Variants in DGLUCY observed in about 807,000 individuals in gnomAD.
DGLUCY encodes the protein D-glutamate cyclase.
Under a neutral mutation model 58.5 loss-of-function variants are expected in DGLUCY, and 58 were observed. That is an observed-to-expected ratio of 0.99 (90% CI 0.80 to 1.23). The LOEUF (loss-of-function observed/expected upper bound fraction) is 1.23, where lower values mean the gene tolerates loss of function less well. Ranked by LOEUF, DGLUCY falls within the 50% of genes most tolerant of loss-of-function variation. The pLI, the probability that DGLUCY is intolerant of heterozygous loss-of-function variation, is 0.00. For missense variants in DGLUCY, 779 were observed against 784.7 expected, an observed-to-expected ratio of 0.99 and a Z score of 0.09; for synonymous variants, 325 against 314.1, an observed-to-expected ratio of 1.03 and a Z score of -0.37.
At chr14:91,201,759 TATA>T in intron 11 of DGLUCY, among the ~76,000 whole-genome samples, 1 of 152,106 alleles carries the variant, frequency 6.6e-6, no homozygotes, top group South Asian at 2.1e-4. Context: ...TCGTTAATAA[TATA>T]ATAATATGGT....
chr14:91,224,391 T>C (rs544011894), intron 13 of DGLUCY, among the ~76,000 whole-genome samples: 6 of 152,222 alleles, frequency 3.9e-5, no homozygotes, highest in African/African-American at 1.4e-4. Context: ...TAAGAAACTA[T>C]GTTTCCATTA....
At chr14:91,172,477 A>G (rs1047618534) in intron 5 of DGLUCY, among the ~76,000 whole-genome samples, 1 of 152,194 alleles carries the variant, frequency 6.6e-6, no homozygotes, top group Non-Finnish European at 1.5e-5. Context: ...CTGTGACTTC[A>G]TGGCTGGCAA....
intron 12 of DGLUCY, among the ~76,000 whole-genome samples, chr14:91,206,855 TATA>T (rs1182103719): frequency 6.6e-6 from 1 of 152,054 alleles, no homozygotes; most frequent in Non-Finnish European, 1.5e-5. Context: ...GTATGATTAA[TATA>T]ATAAAGTCTT....
At chr14:91,086,153 C>T (rs1204757097) in intron 1 of DGLUCY, among the ~76,000 whole-genome samples, 1 of 152,186 alleles carries the variant, frequency 6.6e-6, no homozygotes, top group Non-Finnish European at 1.5e-5. Flanking sequence ...CACTTTCTCC[C>T]ATCACCCCCA....
intron 3 of DGLUCY, among the ~76,000 whole-genome samples, chr14:91,165,570 C>T (rs2048231268): frequency 6.6e-6 from 1 of 152,178 alleles, no homozygotes; most frequent in Non-Finnish European, 1.5e-5. Flanking sequence ...TGAGCCAGCT[C>T]AGGCAAGAAT....
chr14:91,192,523 G>A (rs1042048380), intron 9 of DGLUCY, among the ~76,000 whole-genome samples: 5 of 152,080 alleles, frequency 3.3e-5, no homozygotes, highest in East Asian at 3.9e-4. Context: ...TAATCCCAGC[G>A]CTTTGGGAGA....
chr14:91,144,443 C>T (rs1039620598), intron 1 of DGLUCY, among the ~76,000 whole-genome samples: 1 of 152,054 alleles, frequency 6.6e-6, no homozygotes, highest in African/African-American at 2.4e-5. Flanking sequence ...GCCTGTAGTC[C>T]CAGCTACTAA....
chr14:91,137,522 A>G (rs1595730074), intron 1 of DGLUCY, among the ~76,000 whole-genome samples: 1 of 150,432 alleles, frequency 6.6e-6, no homozygotes, highest in South Asian at 2.1e-4. Context: ...AGTGGCTGGG[A>G]CTACAGGCGT....
At chr14:91,109,958 T>TGTTGAA (rs1222258546), upstream of DGLUCY, among the ~76,000 whole-genome samples, 16 of 152,266 alleles carry the variant, frequency 1.1e-4, no homozygotes, top group Non-Finnish European at 2.2e-4. Context: ...GTTGGCTCAC[T>TGTTGAA]GAATCCCTTC....
chr14:91,204,788 C>T lies in DGLUCY; in HGVS notation c.1527C>T (p.Ile509=), dbSNP rs147127627. The change falls in exon 12 of 14, where the codon ATC becomes ATT. Residue 509 remains isoleucine (I), a synonymous_variant. Coordinates refer to ENST00000256324, the MANE Select transcript of DGLUCY (RefSeq NM_001102368.3). ...VRRHIRHGDV[I]ACDVEADFAV... ...GGCACATACGGCACGGGGATGTCAT[C>T]GCCTGCGACGTGGAGGCTGACTTTG... 2.8e-4 allele frequency: 444 copies of T among 1,613,956 alleles called. 1 individual carries two copies. Among genetic ancestry groups the T allele is most frequent in the Middle Eastern group, 9.9e-4 (6 of 6,084 alleles).
intron 12 of DGLUCY, among the ~76,000 whole-genome samples, chr14:91,207,246 G>C (rs979040159): frequency 6.7e-6 from 1 of 148,612 alleles, no homozygotes; most frequent in Non-Finnish European, 1.5e-5. Context: ...CTTATTAGTA[G>C]ACCGGACATG....
intron 10 of DGLUCY, 63 bp from the exon 11 acceptor site, chr14:91,199,694 G>GA: frequency 6.4e-7 from 1 of 1,570,802 alleles, no homozygotes; most frequent in Non-Finnish European, 8.7e-7. Context: ...AAGAAGGCAT[G>GA]ACCCAGCAAA....
chr14:91,069,187 AG>A lies in DGLUCY; in HGVS notation c.-82+8485del, dbSNP rs2043875324. The stretch of plus-strand genomic sequence containing the variant: ...TTTGTCCTAATCATTCTTTCTAACA[AG>A]GAAAATGCAGACCTCAGACTCAGCT... On this transcript the variant is annotated intron_variant, in intron 1 of 4. Transcript: ENST00000521334. Among the ~76,000 whole-genome samples the A allele has an allele frequency of 2.6e-5, 4 of 152,332 alleles. No individual in the cohort carries two copies. In the South Asian group the frequency reaches 6.2e-4, roughly 24 times the overall value.
chr14:91,068,299 A>G (rs996783202), intron 1 of DGLUCY, among the ~76,000 whole-genome samples: 3 of 152,202 alleles, frequency 2.0e-5, no homozygotes, highest in Non-Finnish European at 2.9e-5. Context: ...CTCCGTTTCA[A>G]CCTGTGCCAA....
chr14:91,132,237 T>C (rs998673424), intron 1 of DGLUCY, among the ~76,000 whole-genome samples: 1 of 152,184 alleles, frequency 6.6e-6, no homozygotes, highest in African/African-American at 2.4e-5. Flanking sequence ...CCAAAATTCA[T>C]TGTAGACCAA....
intron 1 of DGLUCY, among the ~76,000 whole-genome samples, chr14:91,102,814 A>G (rs1305723897): frequency 7.2e-6 from 1 of 139,606 alleles, no homozygotes; most frequent in East Asian, 2.1e-4. Flanking sequence ...TCTATCACCC[A>G]GCAGTGGCGT....
At position 91,079,625 on chromosome 14, in the gene DGLUCY, C is replaced by T. The variant is rs146875173; in HGVS notation, c.-82+18921C>T. Among the ~76,000 whole-genome samples, 882 of 152,274 alleles carry T rather than the reference C, an allele frequency of 5.8e-3. 4 individuals carry two copies. Among genetic ancestry groups the T allele is most frequent in the Admixed American group, 0.014 (211 of 15,298 alleles). ...GCCTGATAGTCCATAATTTGGATTA[C>T]ACTAATTTCCTAACAAATCACCTAC... On this transcript the variant is annotated intron_variant, in intron 1 of 4. Coordinates refer to the DGLUCY transcript ENST00000521334.
At position 91,169,888 on chromosome 14, in the gene DGLUCY, G is replaced by A. The variant is rs968918407; in HGVS notation, c.258-115G>A. The A allele has an allele frequency of 3.6e-6, 4 of 1,102,538 alleles. No homozygotes were observed. The Admixed American group carries it at 8.0e-5, about 22-fold the overall frequency. 68.3% of individuals were successfully genotyped at this position (1,102,538 alleles called of 1,614,324 possible). A position where few individuals can be genotyped will look rare whatever the true frequency, so the allele number is the denominator to read the frequency against. ...CTATGCTCCCTACCCTGGTGCCAGG[G>A]CTGAAAATTTCAGCACTAGACATCC... On this transcript the variant is annotated intron_variant, in intron 4 of 13. Coordinates refer to ENST00000256324, the MANE Select transcript of DGLUCY (RefSeq NM_001102368.3).
chr14:91,163,210 A>G (rs2048089613), intron 3 of DGLUCY, among the ~76,000 whole-genome samples: 1 of 152,074 alleles, frequency 6.6e-6, no homozygotes, highest in Admixed American at 6.6e-5. Flanking sequence ...CAGTGAGCCA[A>G]GATTGCGCCA....
Sources: allele counts gnomAD v4.1 joint callset (sites outside exome capture counted in the v4.1 genomes callset), GRCh38; gene constraint gnomAD v4.1.1; transcripts MANE v1.5; gene names NCBI Gene and HGNC (gene_info 2026-07-23, HGNC 2026-07-21).